GABRB1: variants seen among roughly 807,000 people sequenced by gnomAD.
GABRB1 encodes gamma-aminobutyric acid receptor subunit beta-1.
In GABRB1, 17 loss-of-function variants were observed where a neutral mutation model predicts 51.6. That is an observed-to-expected ratio of 0.33 (90% CI 0.23 to 0.49). The LOEUF (loss-of-function observed/expected upper bound fraction) is 0.49, where lower values mean the gene tolerates loss of function less well. Among genes scored for constraint, GABRB1 ranks in the 20% least tolerant of loss-of-function variants. GABRB1 has a pLI of 0.99. For missense variants in GABRB1, 410 were observed against 600.6 expected (o/e 0.68, Z 3.32); for synonymous variants, 247 against 218.9 (o/e 1.13, Z -1.14).
At chr4:47,276,018 A>C (rs1278640743) in intron 4 of GABRB1, among the ~76,000 whole-genome samples, 1 of 152,174 alleles carries the variant, frequency 6.6e-6, no homozygotes, top group Non-Finnish European at 1.5e-5. Flanking sequence ...AGAAAGTTCC[A>C]TTCTGTTTCA....
chr4:47,015,154 C>T (rs1018992692), intron 1 of GABRB1, among the ~76,000 whole-genome samples: 2 of 152,192 alleles, frequency 1.3e-5, no homozygotes, highest in Non-Finnish European at 2.9e-5. Flanking sequence ...GATCCGCCCA[C>T]CTCAGCCTCC....
rs372137366 is a variant in GABRB1, at chr4:47,227,815, G to T, written c.461+66346G>T. Among the ~76,000 whole-genome samples the T allele has an allele frequency of 3.3e-5, 5 of 152,230 alleles. No individual in the cohort carries two copies. The South Asian group carries it at 8.3e-4, about 25-fold the overall frequency. On this transcript the variant is annotated intron_variant, in intron 4 of 8. Coordinates refer to ENST00000295454, the MANE Select transcript of GABRB1 (RefSeq NM_000812.4). ...GGTGTCAGCAGGTTTGGTTTCTCCTGAGGACACTCTCTTTGCCTTGCAGAT... is the reference window on the plus strand; with the variant it reads ...GGTGTCAGCAGGTTTGGTTTCTCCTTAGGACACTCTCTTTGCCTTGCAGAT...
At chr4:47,082,971 T>C (rs1282852525) in intron 3 of GABRB1, among the ~76,000 whole-genome samples, 1 of 152,144 alleles carries the variant, frequency 6.6e-6, no homozygotes, top group Non-Finnish European at 1.5e-5. Flanking sequence ...GGAGATTATA[T>C]GCAATAGAGT....
intron 4 of GABRB1, among the ~76,000 whole-genome samples, chr4:47,194,695 T>C (rs1014502838): frequency 6.6e-6 from 1 of 152,220 alleles, no homozygotes; most frequent in African/African-American, 2.4e-5. Context: ...TGAAGATCTC[T>C]TCAATGAGGA....
intron 5 of GABRB1, among the ~76,000 whole-genome samples, chr4:47,375,511 C>T (rs1727345944): frequency 6.6e-6 from 1 of 152,196 alleles, no homozygotes; most frequent in Admixed American, 6.5e-5. Context: ...AAGCTCCAGT[C>T]CTGTTTACAC....
At chr4:47,368,559 G>T (rs1452214636) in intron 5 of GABRB1, among the ~76,000 whole-genome samples, 1 of 152,130 alleles carries the variant, frequency 6.6e-6, no homozygotes, top group East Asian at 1.9e-4. Flanking sequence ...ATAACACTAA[G>T]AAATCTTGCT....
intron 5 of GABRB1, among the ~76,000 whole-genome samples, chr4:47,368,083 C>G (rs566051967): frequency 1.7e-4 from 26 of 152,156 alleles, no homozygotes; most frequent in Non-Finnish European, 3.5e-4. Context: ...AGTGGGAACT[C>G]CAAGCCCAAT....
chr4:47,184,551 T>G (rs1719090288), intron 4 of GABRB1, among the ~76,000 whole-genome samples: 1 of 151,960 alleles, frequency 6.6e-6, no homozygotes, highest in Non-Finnish European at 1.5e-5. Context: ...TGAACTAATG[T>G]CAAGCCCTGC....
At chr4:47,002,933 A>T (rs1724274961) in intron 1 of GABRB1, among the ~76,000 whole-genome samples, 1 of 152,244 alleles carries the variant, frequency 6.6e-6, no homozygotes, top group South Asian at 2.1e-4. Flanking sequence ...GCATGAAGAT[A>T]AATATCAGAG....
intron 4 of GABRB1, among the ~76,000 whole-genome samples, chr4:47,222,918 G>C (rs1720816025): frequency 6.6e-6 from 1 of 151,770 alleles, no homozygotes; most frequent in Admixed American, 6.6e-5. Context: ...TCTCTCTTAG[G>C]TTTTGTATTA....
intron 4 of GABRB1, among the ~76,000 whole-genome samples, chr4:47,190,435 T>C (rs1205332093): frequency 2.6e-5 from 4 of 152,110 alleles, no homozygotes; most frequent in Admixed American, 1.3e-4. Flanking sequence ...CTGTAAACTA[T>C]GTGCTAACGG....
At chr4:47,129,099 A>C (rs1264185922) in intron 3 of GABRB1, among the ~76,000 whole-genome samples, 1 of 152,142 alleles carries the variant, frequency 6.6e-6, no homozygotes, top group African/African-American at 2.4e-5. Flanking sequence ...CCAGGCATTT[A>C]AGAGATTAAG....
rs1438065148 is a variant in GABRB1 at position 47,182,697 on chromosome 4, C to CA, written c.461+21235dup. ...CTCTGCTGACAAAGTTCAAATCAGACAAAAAAAGGGTGACTAAATAATGGC... is the reference window on the plus strand; with the variant it reads ...CTCTGCTGACAAAGTTCAAATCAGACAAAAAAAAGGGTGACTAAATAATGGC... On this transcript the variant is annotated intron_variant, in intron 4 of 8. Coordinates refer to ENST00000295454, the MANE Select transcript of GABRB1 (RefSeq NM_000812.4). Among the ~76,000 whole-genome samples, 3 of 151,382 alleles carry CA rather than the reference C, an allele frequency of 2.0e-5. 1 individual carries two copies. Among genetic ancestry groups the CA allele is most frequent in the South Asian group, 4.2e-4 (2 of 4,814 alleles).
intron 5 of GABRB1, among the ~76,000 whole-genome samples, chr4:47,366,703 A>G (rs1433097410): frequency 3.9e-5 from 6 of 152,210 alleles, no homozygotes; most frequent in Admixed American, 3.9e-4. Flanking sequence ...TAACTGAAGA[A>G]TAATGTCATG....
At chr4:47,085,184 G>T (rs756272020) in intron 3 of GABRB1, among the ~76,000 whole-genome samples, 12 of 152,066 alleles carry the variant, frequency 7.9e-5, no homozygotes, top group Non-Finnish European at 1.2e-4. Flanking sequence ...AATTCCTCTA[G>T]AACTAAACTT....
At chr4:47,365,343 G>A (rs1726938752) in intron 5 of GABRB1, among the ~76,000 whole-genome samples, 1 of 152,116 alleles carries the variant, frequency 6.6e-6, no homozygotes, top group South Asian at 2.1e-4. Flanking sequence ...ATATCCTCCT[G>A]CCCTTTAATC....
intron 4 of GABRB1, among the ~76,000 whole-genome samples, chr4:47,195,088 C>T (rs971176697): frequency 5.9e-5 from 9 of 152,102 alleles, no homozygotes; most frequent in Non-Finnish European, 7.4e-5. Context: ...TATCCTGGGC[C>T]GGGCCCGGTG....
At chr4:47,145,693 T>C (rs1717138705) in intron 3 of GABRB1, among the ~76,000 whole-genome samples, 1 of 152,034 alleles carries the variant, frequency 6.6e-6, no homozygotes, top group Non-Finnish European at 1.5e-5. Context: ...TATAACATAA[T>C]GAATATTTAA....
chr4:47,305,140 T>C (rs1260339988), intron 4 of GABRB1, among the ~76,000 whole-genome samples: 3 of 152,110 alleles, frequency 2.0e-5, no homozygotes, highest in Non-Finnish European at 2.9e-5. Flanking sequence ...GACTATTCGA[T>C]GTGTATACCA....
Sources: gnomAD v4.1 joint callset for allele counts (sites outside exome capture counted in the v4.1 genomes callset) on GRCh38, gnomAD v4.1.1 for gene constraint, MANE v1.5 for transcripts, NCBI Gene and HGNC (gene_info 2026-07-23, HGNC 2026-07-21) for gene names.